The following HSD17B2 variants were observed in gnomAD, a reference collection of about 807,000 sequenced individuals.
HSD17B2 encodes 17-beta-hydroxysteroid dehydrogenase type 2.
Under a neutral mutation model 26.9 loss-of-function variants are expected in HSD17B2, and 32 were observed. The ratio of observed to expected loss-of-function variants is 1.19; its 90% CI spans 0.90 to 1.60. The LOEUF (loss-of-function observed/expected upper bound fraction) is 1.60. Ranked by LOEUF, HSD17B2 falls within the 40% of genes most tolerant of loss-of-function variation. The pLI is 0.00. For synonymous variants in HSD17B2, 246 were observed against 186.7 expected, an observed-to-expected ratio of 1.32 and a Z score of -2.59; for missense variants, 613 against 468.6, an observed-to-expected ratio of 1.31 and a Z score of -2.85.
At chr16:82,054,320 T>C (rs979946279) in intron 1 of HSD17B2, among the ~76,000 whole-genome samples, 18 of 151,908 alleles carry the variant, frequency 1.2e-4, no homozygotes, top group African/African-American at 4.4e-4. Flanking sequence ...ACATTGTAAA[T>C]ATTAGACTGC....
chr16:82,066,222 G>A (rs1567585691), intron 1 of HSD17B2, among the ~76,000 whole-genome samples: 1 of 152,210 alleles, frequency 6.6e-6, no homozygotes, highest in Non-Finnish European at 1.5e-5. Context: ...GCCAGCCCCA[G>A]GGAGGAAACC....
At chr16:82,056,727 C>G (rs530939555) in intron 1 of HSD17B2, among the ~76,000 whole-genome samples, 10 of 152,312 alleles carry the variant, frequency 6.6e-5, no homozygotes, top group Non-Finnish European at 1.5e-4. Flanking sequence ...GAAATATACA[C>G]TAGTCATTGA....
At chr16:82,091,079 G>A in intron 4 of HSD17B2, 40 bp downstream of exon 4, 1 of 1,608,518 alleles carries the variant, frequency 6.2e-7, no homozygotes, top group South Asian at 1.1e-5. Context: ...GTTCATCCTG[G>A]AAGGAACCCC....
rs778316583 is a variant in HSD17B2, at chr16:82,090,915, G to A, written c.678G>A (p.Met226Ile). The change falls in exon 4 of 5, where the codon ATG (methionine) becomes ATA (isoleucine). Residue 226 changes from methionine (M) to isoleucine (I), a missense_variant. By Grantham distance (10) the Met-to-Ile change is conservative (BLOSUM62 1). Transcript: ENST00000199936. ...NVSSMGGGAP[M>I]ERLASYGSSK... Reference sequence around the variant, plus strand: ...TTATTCCCATAGGAGGGGCCCCAATGGAAAGGCTGGCATCTTATGGCTCAT... The same window carrying A: ...TTATTCCCATAGGAGGGGCCCCAATAGAAAGGCTGGCATCTTATGGCTCAT... 4 of 1,611,798 alleles carry A rather than the reference G, an allele frequency of 2.5e-6. No homozygotes were observed. The Admixed American group carries it at 6.7e-5, about 27-fold the overall frequency.
At chr16:82,037,600 G>C (rs8191065) in intron 1 of HSD17B2, among the ~76,000 whole-genome samples, 2 of 152,164 alleles carry the variant, frequency 1.3e-5, no homozygotes, top group Non-Finnish European at 1.5e-5. Context: ...GAAAAAAAGA[G>C]TAGAAGCAAA....
chr16:82,045,038 G>A (rs746354335), intron 1 of HSD17B2, among the ~76,000 whole-genome samples: 12 of 145,112 alleles, frequency 8.3e-5, no homozygotes, highest in African/African-American at 2.9e-4. Context: ...CAGGAAAATC[G>A]CTTGAACATG....
chr16:82,050,220 T>C (rs1036119316), intron 1 of HSD17B2, among the ~76,000 whole-genome samples: 2 of 152,214 alleles, frequency 1.3e-5, no homozygotes, highest in African/African-American at 2.4e-5. Context: ...GACCCTTCCC[T>C]ACCTGGCCCT....
At chr16:82,079,586 C>T (rs2955159) in intron 3 of HSD17B2, among the ~76,000 whole-genome samples, 13,988 of 152,172 alleles carry the variant, frequency 0.092, 1,844 homozygotes, top group African/African-American at 0.29. Context: ...CTGCCACATA[C>T]AAACTTTTCT....
intron 4 of HSD17B2, chr16:82,093,683 A>C (rs1904758413): frequency 6.6e-6 from 1 of 152,222 alleles, no homozygotes; most frequent in Non-Finnish European, 1.5e-5. Context: ...TTGTGTGAGA[A>C]AGAATTTGGG....
chr16:82,080,845 G>A (rs1904359466), intron 3 of HSD17B2, among the ~76,000 whole-genome samples: 1 of 152,154 alleles, frequency 6.6e-6, no homozygotes, highest in Non-Finnish European at 1.5e-5. Flanking sequence ...ATTCCAAAAA[G>A]GCAGAGTCAA....
At chr16:82,071,567 T>A in intron 3 of HSD17B2, 1 of 302,180 alleles carries the variant, frequency 3.3e-6, no homozygotes, top group Non-Finnish European at 6.4e-6. Context: ...AGCTGCCTGC[T>A]ATTGTTAACC....
At chr16:82,054,348 C>T (rs1178217847) in intron 1 of HSD17B2, among the ~76,000 whole-genome samples, 1 of 151,980 alleles carries the variant, frequency 6.6e-6, no homozygotes, top group Non-Finnish European at 1.5e-5. Flanking sequence ...TTTTTAAAAT[C>T]TAACTTTTTT....
At chr16:82,073,028 T>C (rs1011367293) in intron 3 of HSD17B2, among the ~76,000 whole-genome samples, 3 of 152,180 alleles carry the variant, frequency 2.0e-5, no homozygotes, top group Non-Finnish European at 2.9e-5. Context: ...GTCACTGTAC[T>C]CTAGCCTGGG....
intron 1 of HSD17B2, among the ~76,000 whole-genome samples, chr16:82,037,106 T>C (rs1427320030): frequency 6.6e-6 from 1 of 152,252 alleles, no homozygotes; most frequent in Non-Finnish European, 1.5e-5. Context: ...AAAGGTGCCG[T>C]GCATTTAGTG....
chr16:82,080,928 G>GGTT (rs1163027278), intron 3 of HSD17B2, among the ~76,000 whole-genome samples: 1 of 152,064 alleles, frequency 6.6e-6, no homozygotes, highest in Non-Finnish European at 1.5e-5. Context: ...AGATTTTTGT[G>GGTT]GTTGTTGTTG....
At chr16:82,049,422 T>C (rs184548495) in intron 1 of HSD17B2, among the ~76,000 whole-genome samples, 13 of 152,322 alleles carry the variant, frequency 8.5e-5, no homozygotes, top group African/African-American at 3.1e-4. Flanking sequence ...TTTCCCCAAG[T>C]GCCAGGTACA....
intron 1 of HSD17B2, among the ~76,000 whole-genome samples, chr16:82,058,002 T>TA (rs1914323412): frequency 6.6e-6 from 1 of 151,696 alleles, no homozygotes; most frequent in Non-Finnish European, 1.5e-5. Context: ...TAATAATGTA[T>TA]CAATATTGGG....
At chr16:82,042,388 C>T (rs1396822986) in intron 1 of HSD17B2, among the ~76,000 whole-genome samples, 4 of 152,090 alleles carry the variant, frequency 2.6e-5, no homozygotes, top group South Asian at 2.1e-4. Flanking sequence ...CCAGAACTAT[C>T]GCACTTGGCC....
chr16:82,056,763 G>C (rs1914282324), intron 1 of HSD17B2, among the ~76,000 whole-genome samples: 1 of 152,206 alleles, frequency 6.6e-6, no homozygotes, highest in African/African-American at 2.4e-5. Flanking sequence ...TATATTCAGA[G>C]AGAATGTGTT....
Sources: allele counts gnomAD v4.1 joint callset (sites outside exome capture counted in the v4.1 genomes callset), GRCh38; gene constraint gnomAD v4.1.1; transcripts MANE v1.5; gene names NCBI Gene and HGNC (gene_info 2026-07-23, HGNC 2026-07-21).